Variants in NCOR1 observed in about 807,000 individuals in gnomAD.
NCOR1 encodes the protein nuclear receptor corepressor 1.
In NCOR1, 63 loss-of-function variants were observed where a neutral mutation model predicts 288.1. The observed-to-expected ratio is 0.22, with a 90% confidence interval of 0.18 to 0.27. NCOR1 has a LOEUF of 0.27. Ranked by LOEUF, NCOR1 falls within the 10% of genes least tolerant of loss-of-function variation. The pLI is 1.00. For synonymous variants in NCOR1, 1,007 were observed against 1,065.9 expected (o/e 0.94, Z 1.08); for missense variants, 2,397 against 3,019.2 (o/e 0.79, Z 4.83).
intron 1 of NCOR1, among the ~76,000 whole-genome samples, chr17:16,213,422 G>A (rs1265995356): frequency 7.0e-6 from 1 of 142,754 alleles, no homozygotes; most frequent in Non-Finnish European, 1.5e-5. Flanking sequence ...GAACCCGGAG[G>A]CGGAGGTTGC....
chr17:16,198,776 A>G (rs1274548885), intron 1 of NCOR1: 1 of 152,102 alleles, frequency 6.6e-6, no homozygotes, highest in African/African-American at 2.4e-5. Flanking sequence ...TGCATTTTGT[A>G]AAAGTTTTCC....
intron 26 of NCOR1, among the ~76,000 whole-genome samples, chr17:16,076,440 C>T (rs1420705831): frequency 2.0e-5 from 3 of 152,156 alleles, no homozygotes; most frequent in Admixed American, 6.5e-5. Context: ...GGCCGGCCAT[C>T]GGAAGTTGAC....
In NCOR1 at chr17:16,080,323, C is replaced by T. The variant is rs567960078; in HGVS notation, c.3400+85G>A. 36 of 1,112,480 alleles carry T rather than the reference C, an allele frequency of 3.2e-5. No homozygotes were observed. In the South Asian group the frequency reaches 4.4e-4, roughly 14 times the overall value. The allele number at this position is 1,112,480 out of a possible 1,614,324, so 68.9% of individuals were successfully genotyped here. On this transcript the variant is annotated intron_variant, in intron 25 of 45. Transcript: ENST00000268712. The stretch of plus-strand genomic sequence containing the variant: ...ATTTAAAGACTATAGTTAAAAAAGC[C>T]CATCATTAAAATATATTAATAACTT...
intron 22 of NCOR1, among the ~76,000 whole-genome samples, chr17:16,090,505 A>G (rs1186424092): frequency 6.6e-6 from 1 of 152,198 alleles, no homozygotes; most frequent in Non-Finnish European, 1.5e-5. Context: ...TTTATAATTC[A>G]TTCCTTTAAG....
At chr17:16,036,345 C>T (rs2056360960) in intron 44 of NCOR1, among the ~76,000 whole-genome samples, 1 of 152,168 alleles carries the variant, frequency 6.6e-6, no homozygotes, top group African/African-American at 2.4e-5. Flanking sequence ...GGCTTTGTTC[C>T]ATTTCTAGAG....
intron 10 of NCOR1, among the ~76,000 whole-genome samples, chr17:16,145,825 G>A (rs1292429498): frequency 1.3e-5 from 2 of 152,212 alleles, no homozygotes; most frequent in Admixed American, 1.3e-4. Flanking sequence ...AGCCGGCCAG[G>A]ATGACGATGG....
chr17:16,110,927 T>G (rs2069987445), intron 18 of NCOR1, among the ~76,000 whole-genome samples: 1 of 152,254 alleles, frequency 6.6e-6, no homozygotes, highest in South Asian at 2.1e-4. Context: ...TAAAAAGCTT[T>G]CAGAAGATTC....
At chr17:16,147,661 C>T (rs1201067804) in intron 9 of NCOR1, among the ~76,000 whole-genome samples, 2 of 152,154 alleles carry the variant, frequency 1.3e-5, no homozygotes, top group African/African-American at 2.4e-5. Flanking sequence ...TCACATTCCA[C>T]ACCACACCCC....
In NCOR1 at chr17:16,032,248, A is replaced by G; in HGVS notation, c.*48T>C. On this transcript the variant is annotated 3_prime_UTR_variant, in exon 46 of 46. Coordinates refer to ENST00000268712, the MANE Select transcript of NCOR1 (RefSeq NM_006311.4). ...CCTGCTACTAAAAATTAAACCACAA[A>G]AACTAGAGATCCCTCTCCTGCACCC... 1 of 1,501,246 alleles carries G rather than the reference A, an allele frequency of 6.7e-7. No homozygotes were observed. The highest frequency in any genetic ancestry group is 8.8e-7 in the Non-Finnish European group (1 of 1,133,090). The allele number at this position is 1,501,246 out of a possible 1,614,324, so 93.0% of individuals were successfully genotyped here. A position where few individuals can be genotyped will look rare whatever the true frequency, so the allele number is the denominator to read the frequency against.
Position 16,092,674 on chromosome 17 carries a change from TATATATATATATATA to T in NCOR1, c.2821-631_2821-617del, listed in dbSNP as rs1567958236. On this transcript the variant is annotated intron_variant, in intron 21 of 45. Transcript: ENST00000268712. ...ATATATATATATATATATATATATA[TATATATATATATATA>T]TATATATTTTTTTTTTTTTTTTTTT... Among the ~76,000 whole-genome samples the T allele has an allele frequency of 2.3e-3, 42 of 18,452 alleles. 1 individual carries two copies. The highest frequency in any genetic ancestry group is 2.7e-3 in the African/African-American group (9 of 3,318). 12.1% of individuals were successfully genotyped at this position (18,452 alleles called of 152,430 possible).
chr17:16,098,195 C>A (rs1348621943), intron 21 of NCOR1, among the ~76,000 whole-genome samples, 172 bp downstream of exon 21: 2 of 152,178 alleles, frequency 1.3e-5, no homozygotes, highest in Non-Finnish European at 2.9e-5. Context: ...ATATACTTAA[C>A]ACACTTAACA....
intron 29 of NCOR1, among the ~76,000 whole-genome samples, 194 bp from the exon 30 acceptor site, chr17:16,071,859 T>A (rs1442889449): frequency 6.6e-6 from 1 of 152,242 alleles, no homozygotes; most frequent in Admixed American, 6.5e-5. Flanking sequence ...TCAGTATTTA[T>A]CAATCATTAT....
intron 1 of NCOR1, among the ~76,000 whole-genome samples, chr17:16,206,127 T>G (rs1326363695): frequency 1.3e-5 from 2 of 151,956 alleles, no homozygotes; most frequent in Non-Finnish European, 2.9e-5. Flanking sequence ...CTGGTAGCTT[T>G]ACAAATTGGT....
At chr17:16,100,509 C>T (rs954237172) in intron 20 of NCOR1, among the ~76,000 whole-genome samples, 22 of 152,044 alleles carry the variant, frequency 1.4e-4, no homozygotes, top group African/African-American at 5.1e-4. Context: ...AGCATGGTGG[C>T]GTGTGCCTGT....
intron 1 of NCOR1, among the ~76,000 whole-genome samples, chr17:16,199,214 A>AC (rs1555813515): frequency 9.4e-4 from 105 of 111,792 alleles, no homozygotes; most frequent in African/African-American, 2.4e-3. Context: ...GAAAAAAAAA[A>AC]AAACACACAC....
chr17:16,200,611 C>G (rs1186843566), intron 1 of NCOR1, among the ~76,000 whole-genome samples: 3 of 151,698 alleles, frequency 2.0e-5, no homozygotes, highest in Non-Finnish European at 4.4e-5. Context: ...AGAGGTGAAG[C>G]CTACATTTCA....
intron 1 of NCOR1, among the ~76,000 whole-genome samples, chr17:16,202,347 G>A (rs868315234): frequency 6.6e-6 from 1 of 151,068 alleles, no homozygotes; most frequent in South Asian, 2.1e-4. Flanking sequence ...GTTGCAGTGA[G>A]CCGAGATCGC....
chr17:16,102,883 C>G (rs148828894), intron 19 of NCOR1, among the ~76,000 whole-genome samples: 1 of 152,128 alleles, frequency 6.6e-6, no homozygotes, highest in Non-Finnish European at 1.5e-5. Context: ...CATAGGCCAC[C>G]GCACCCAGCC....
At chr17:16,187,410 A>C (rs188441169) in intron 2 of NCOR1, among the ~76,000 whole-genome samples, 1 of 149,932 alleles carries the variant, frequency 6.7e-6, no homozygotes, top group African/African-American at 2.5e-5. Flanking sequence ...AAATAAAAAC[A>C]ACCAAAATGT....
Sources: gnomAD v4.1 joint callset for allele counts (sites outside exome capture counted in the v4.1 genomes callset) on GRCh38, gnomAD v4.1.1 for gene constraint, MANE v1.5 for transcripts, NCBI Gene and HGNC (gene_info 2026-07-23, HGNC 2026-07-21) for gene names.